MINPP1: variants seen among roughly 807,000 people sequenced by gnomAD.
MINPP1 encodes multiple inositol-polyphosphate phosphatase 1.
A neutral mutation model predicts 46.1 loss-of-function variants in MINPP1; 28 were observed. That is an observed-to-expected ratio of 0.61 (90% CI 0.45 to 0.83). MINPP1 has a LOEUF of 0.83. MINPP1 is among the 40% of genes least tolerant of loss of function. The probability of loss-of-function intolerance (pLI) is 0.00; values close to 1 mark genes in which losing one functional copy is unlikely to be tolerated. For synonymous variants in MINPP1, 268 were observed against 249.1 expected (o/e 1.08, Z -0.72); for missense variants, 603 against 610.0 (o/e 0.99, Z 0.12).
intron 3 of MINPP1, among the ~76,000 whole-genome samples, chr10:87,513,708 C>G (rs982223536): frequency 2.6e-5 from 4 of 152,044 alleles, no homozygotes; most frequent in African/African-American, 7.3e-5. Flanking sequence ...ACCTTTTTTG[C>G]CACATTTCCT....
At position 87,536,669 on chromosome 10, in the gene MINPP1, T is replaced by G. The variant is rs575221725; in HGVS notation, c.1068-15413T>G. 1.1e-4 allele frequency among the ~76,000 whole-genome samples: 16 copies of G among 152,292 alleles called. No homozygotes were observed. The East Asian group carries it at 2.9e-3, about 28-fold the overall frequency. ...TGGAATCATAGTGAATTTTTTTTTG[T>G]TGGGCTTCTTTCACTCAACATAGTG... On this transcript the variant is annotated intron_variant, in intron 4 of 4. Coordinates refer to ENST00000371996, the MANE Select transcript of MINPP1 (RefSeq NM_004897.5).
chr10:87,527,170 A>C lies in MINPP1; in HGVS notation c.1067+6001A>C, dbSNP rs183327808. On this transcript the variant is annotated intron_variant, in intron 4 of 4. Coordinates refer to ENST00000371996, the MANE Select transcript of MINPP1 (RefSeq NM_004897.5). The stretch of plus-strand genomic sequence containing the variant: ...CATTTTCACTATATTGATTCTTCCT[A>C]TCCATGAGCATGGAATGTTCTTCCA... 4.6e-5 allele frequency among the ~76,000 whole-genome samples: 7 copies of C among 152,266 alleles called. No individual in the cohort carries two copies. In the East Asian group the frequency reaches 9.6e-4, roughly 21 times the overall value.
At position 87,508,490 on chromosome 10, in the gene MINPP1, A is replaced by G. The variant is rs1489460752; in HGVS notation, c.792A>G (p.Lys264=). The part of the protein sequence containing the change: ...TGPEMQNILK[K]VAATLQVPVN... Reference sequence around the variant, plus strand: ...CAGAAATGCAGAACATTTTAAAAAAAGTTGCAGCTACTTTGCAAGTGCCAG... The same window carrying G: ...CAGAAATGCAGAACATTTTAAAAAAGGTTGCAGCTACTTTGCAAGTGCCAG... The change falls in exon 2 of 5, where the codon AAA becomes AAG. Residue 264 remains lysine (K), a synonymous_variant. Transcript: ENST00000371996. 6.2e-7 allele frequency: 1 copy of G among 1,613,908 alleles called. No individual in the cohort carries two copies. The highest frequency in any genetic ancestry group is 8.5e-7 in the Non-Finnish European group (1 of 1,179,844).
rs189994457 is a variant in MINPP1, at chr10:87,542,149, A to G, written c.1068-9933A>G. ...CACCTGTGATCCTGTGAGATCAGAAATGAGTTATTTACTCCCAAGATACAG... is the reference window on the plus strand; with the variant it reads ...CACCTGTGATCCTGTGAGATCAGAAGTGAGTTATTTACTCCCAAGATACAG... On this transcript the variant is annotated intron_variant, in intron 4 of 4. Transcript: ENST00000371996. Among the ~76,000 whole-genome samples, 301 of 152,292 alleles carry G rather than the reference A, an allele frequency of 2.0e-3. 2 individuals carry two copies. Among genetic ancestry groups the G allele is most frequent in the Admixed American group, 3.3e-3 (50 of 15,304 alleles).
chr10:87,515,406 GA>G, intron 3 of MINPP1, among the ~76,000 whole-genome samples: 1 of 151,104 alleles, frequency 6.6e-6, no homozygotes, highest in East Asian at 2.0e-4. Flanking sequence ...AGGAAAAAAG[GA>G]AAAAAAAGAA....
chr10:87,541,101 C>T (rs1406636446), intron 4 of MINPP1, among the ~76,000 whole-genome samples: 1 of 152,102 alleles, frequency 6.6e-6, no homozygotes, highest in African/African-American at 2.4e-5. Context: ...TTTGTTTTTC[C>T]ATTTGACACT....
chr10:87,528,868 A>G (rs576498217), intron 4 of MINPP1, among the ~76,000 whole-genome samples: 31 of 152,174 alleles, frequency 2.0e-4, no homozygotes, highest in African/African-American at 7.2e-4. Context: ...GTCTCTAAGG[A>G]CTTGCTTTAT....
intron 4 of MINPP1, among the ~76,000 whole-genome samples, chr10:87,540,443 C>G (rs779168617): frequency 6.6e-6 from 1 of 151,790 alleles, no homozygotes; most frequent in Non-Finnish European, 1.5e-5. Flanking sequence ...TCTCTTTCTC[C>G]TCTCTGTCAG....
intron 3 of MINPP1, among the ~76,000 whole-genome samples, chr10:87,520,789 G>A (rs532172683): frequency 6.6e-6 from 1 of 152,178 alleles, no homozygotes; most frequent in Admixed American, 6.5e-5. Flanking sequence ...TTGGCTGTGA[G>A]CACTTACTGG....
chr10:87,504,952 G>C lies in MINPP1; in HGVS notation c.37G>C (p.Val13Leu), dbSNP rs777766037. ...RAPGCLLRTS[V>L]APAAALAAAL... ...GCCCGGCTGCCTCCTCCGGACCTCCGTAGCGCCTGCCGCGGCCCTGGCTGC... is the reference window on the plus strand; with the variant it reads ...GCCCGGCTGCCTCCTCCGGACCTCCCTAGCGCCTGCCGCGGCCCTGGCTGC... Residue 13 changes from valine to leucine, a missense_variant, in exon 1 of 5, where the codon GTA (valine) becomes CTA (leucine). Coordinates refer to ENST00000371996, the MANE Select transcript of MINPP1 (RefSeq NM_004897.5). 6.2e-7 allele frequency: 1 copy of C among 1,611,610 alleles called. No homozygotes were observed. Among genetic ancestry groups the C allele is most frequent in the African/African-American group, 1.3e-5 (1 of 74,914 alleles).
At chr10:87,512,567 T>C (rs1384122295) in intron 2 of MINPP1, among the ~76,000 whole-genome samples, 2 of 152,244 alleles carry the variant, frequency 1.3e-5, no homozygotes, top group Non-Finnish European at 2.9e-5. Flanking sequence ...TAAATGTACT[T>C]TGTTATTTGT....
At chr10:87,524,570 G>T (rs1369977898) in intron 4 of MINPP1, among the ~76,000 whole-genome samples, 1 of 152,100 alleles carries the variant, frequency 6.6e-6, no homozygotes, top group Admixed American at 6.5e-5. Context: ...CCTAGTTTTT[G>T]GCCTGTTTCA....
chr10:87,506,910 G>A (rs1851260637), intron 1 of MINPP1, among the ~76,000 whole-genome samples: 1 of 152,090 alleles, frequency 6.6e-6, no homozygotes, highest in South Asian at 2.1e-4. Context: ...TTGTTGAACT[G>A]TGTTTTTTTT....
At chr10:87,532,117 C>T (rs746910482) in intron 4 of MINPP1, among the ~76,000 whole-genome samples, 2 of 152,190 alleles carry the variant, frequency 1.3e-5, no homozygotes, top group East Asian at 3.8e-4. Context: ...CCCCTGCCCC[C>T]CTTGGCAATT....
chr10:87,542,329 A>G (rs960041928), intron 4 of MINPP1, among the ~76,000 whole-genome samples: 1 of 149,066 alleles, frequency 6.7e-6, no homozygotes, highest in African/African-American at 2.5e-5. Flanking sequence ...TTTTTTTTTT[A>G]AACAGAGTCT....
intron 4 of MINPP1, among the ~76,000 whole-genome samples, chr10:87,549,690 G>T (rs1851935933): frequency 6.6e-6 from 1 of 152,136 alleles, no homozygotes. Context: ...GAGAGTTACT[G>T]ACAGTAAATT....
intron 4 of MINPP1, among the ~76,000 whole-genome samples, chr10:87,548,351 T>C (rs1851917681): frequency 6.6e-6 from 1 of 152,158 alleles, no homozygotes; most frequent in African/African-American, 2.4e-5. Flanking sequence ...AAGAAGAAAC[T>C]AGCATGGTGC....
chr10:87,549,098 A>G (rs148539794), intron 4 of MINPP1, among the ~76,000 whole-genome samples: 72 of 152,262 alleles, frequency 4.7e-4, no homozygotes, highest in African/African-American at 1.7e-3. Context: ...ATTTTCCTCA[A>G]ATTTCTTCTG....
chr10:87,518,418 C>T (rs957664760), intron 3 of MINPP1, among the ~76,000 whole-genome samples: 1 of 152,050 alleles, frequency 6.6e-6, no homozygotes, highest in Non-Finnish European at 1.5e-5. Flanking sequence ...GTTTACGTCT[C>T]TTTGTTAACT....
Sources: allele counts gnomAD v4.1 joint callset (sites outside exome capture counted in the v4.1 genomes callset), GRCh38; gene constraint gnomAD v4.1.1; transcripts MANE v1.5; gene names NCBI Gene and HGNC (gene_info 2026-07-23, HGNC 2026-07-21).